Variants in FNDC3B observed in about 807,000 individuals in gnomAD.
FNDC3B encodes the protein fibronectin type III domain containing 3B.
In FNDC3B, 12 loss-of-function variants were observed where a neutral mutation model predicts 151.5. The observed-to-expected ratio is 0.08, with a 90% CI of 0.05 to 0.13. FNDC3B has a LOEUF of 0.13. Among genes scored for constraint, FNDC3B ranks in the 10% least tolerant of loss-of-function variants. FNDC3B has a pLI of 1.00. For missense variants in FNDC3B, 1,214 were observed against 1,505.3 expected, an observed-to-expected ratio of 0.81 and a Z score of 3.20; for synonymous variants, 528 against 549.0, an observed-to-expected ratio of 0.96 and a Z score of 0.54.
chr3:172,385,453 A>T (rs1439642578), intron 25 of FNDC3B, among the ~76,000 whole-genome samples: 4 of 152,212 alleles, frequency 2.6e-5, no homozygotes, highest in African/African-American at 9.6e-5. Context: ...ACGCAGCTTC[A>T]AAGCACCAGG....
chr3:172,082,088 A>G (rs537480003), intron 1 of FNDC3B, among the ~76,000 whole-genome samples: 3 of 152,330 alleles, frequency 2.0e-5, no homozygotes, highest in African/African-American at 7.2e-5. Context: ...AGGGGAGCCT[A>G]TTACATTTAT....
At chr3:172,294,264 G>T (rs1300793650) in intron 7 of FNDC3B, among the ~76,000 whole-genome samples, 1 of 152,174 alleles carries the variant, frequency 6.6e-6, no homozygotes, top group African/African-American at 2.4e-5. Context: ...GTCTGTTCTC[G>T]CATTGCTATG....
At chr3:172,173,934 G>T (rs79302108) in intron 3 of FNDC3B, among the ~76,000 whole-genome samples, 2 of 152,304 alleles carry the variant, frequency 1.3e-5, no homozygotes, top group Non-Finnish European at 2.9e-5. Flanking sequence ...AACTCATTCA[G>T]TGTTGATGTA....
chr3:172,251,160 A>G, intron 5 of FNDC3B, 100 bp from the exon 6 acceptor site: 1 of 932,048 alleles, frequency 1.1e-6, no homozygotes, highest in Non-Finnish European at 1.6e-6. Context: ...GACTTCCTTT[A>G]TACTTTAGAC....
rs757759733 is a variant in FNDC3B at position 172,307,383 on chromosome 3, C to G, written c.1082C>G (p.Ser361Cys). 10 of 1,614,074 alleles carry G rather than the reference C, an allele frequency of 6.2e-6. No individual in the cohort carries two copies. Among genetic ancestry groups the G allele is most frequent in the Non-Finnish European group, 8.5e-6 (10 of 1,179,990 alleles). ...YHVRVYAMYN[S>C]VKGSCSEPVS... ...TTCAGGGTGTATGCCATGTACAATT[C>G]CGTAAAGGGATCCTGCTCCGAGCCT... is the stretch of plus-strand genomic sequence containing the variant. The change falls in exon 10 of 26, where the codon TCC (serine) becomes TGC (cysteine). Residue 361 changes from serine to cysteine, a missense_variant. Around this residue, in one of 7 missense-constraint regions of FNDC3B, gnomAD observed 156 missense variants for 225.3 expected, o/e 0.69. Coordinates refer to ENST00000415807, the MANE Select transcript of FNDC3B (RefSeq NM_022763.4).
rs551361896 is a variant in FNDC3B at position 172,314,776 on chromosome 3, T to C, written c.1254+3895T>C. Among the ~76,000 whole-genome samples, 191 of 152,276 alleles carry C rather than the reference T, an allele frequency of 1.3e-3. 1 individual carries two copies. Among genetic ancestry groups the C allele is most frequent in the African/African-American group, 4.4e-3 (183 of 41,564 alleles). ...TTGACCTTCATGGGAAGATCCACCT[T>C]AATCAGCAGCTAACTATATGCTGGG... is the stretch of plus-strand genomic sequence containing the variant. On this transcript the variant is annotated intron_variant, in intron 11 of 25. Transcript: ENST00000415807.
chr3:172,174,974 A>G, intron 3 of FNDC3B, among the ~76,000 whole-genome samples: 1 of 99,384 alleles, frequency 1.0e-5, no homozygotes, highest in East Asian at 3.7e-4. Context: ...ATCCGGTCCC[A>G]TGTCCTAGTT....
chr3:172,362,920 T>C, intron 23 of FNDC3B, 75 bp downstream of exon 23: 2 of 1,209,750 alleles, frequency 1.7e-6, no homozygotes, highest in Non-Finnish European at 1.2e-6. Context: ...TTGTACATTT[T>C]TATTTGCTTG....
chr3:172,133,671 T>G (rs1255619301), intron 3 of FNDC3B, 125 bp downstream of exon 3: 1 of 784,004 alleles, frequency 1.3e-6, no homozygotes, highest in South Asian at 1.4e-5. Context: ...ATATTCATTT[T>G]CTTTTTTTTT....
At chr3:172,060,136 C>G (rs143644063) in intron 1 of FNDC3B, among the ~76,000 whole-genome samples, 170 of 152,200 alleles carry the variant, frequency 1.1e-3, no homozygotes, top group Middle Eastern at 6.8e-3. Flanking sequence ...AAGAGAGAAC[C>G]CTCATAGTCA....
intron 3 of FNDC3B, among the ~76,000 whole-genome samples, chr3:172,226,670 G>A (rs1576816066): frequency 6.6e-6 from 1 of 152,096 alleles, no homozygotes; most frequent in Admixed American, 6.5e-5. Context: ...TTTTTTGTTT[G>A]TTTTCTTTGA....
At chr3:172,302,705 CAAAT>C (rs1299738112) in intron 9 of FNDC3B, 1 of 152,134 alleles carries the variant, frequency 6.6e-6, no homozygotes, top group East Asian at 1.9e-4. Flanking sequence ...ATTCTTAACA[CAAAT>C]AAATTTTTTT....
chr3:172,145,312 A>AG (rs1403598699), intron 3 of FNDC3B, among the ~76,000 whole-genome samples: 2 of 151,746 alleles, frequency 1.3e-5, no homozygotes, highest in East Asian at 3.9e-4. Context: ...AGTAAAAAAA[A>AG]GAGTGGAAAC....
chr3:172,392,360 A>G (rs1259803950), intron 25 of FNDC3B, among the ~76,000 whole-genome samples: 1 of 152,238 alleles, frequency 6.6e-6, no homozygotes, highest in African/African-American at 2.4e-5. Flanking sequence ...AAATCTGGAA[A>G]AGTATAAGTA....
At chr3:172,230,373 A>T (rs1309490215) in intron 4 of FNDC3B, among the ~76,000 whole-genome samples, 1 of 151,544 alleles carries the variant, frequency 6.6e-6, no homozygotes, top group African/African-American at 2.4e-5. Flanking sequence ...GTGTGGTGGC[A>T]CATGCCCGTA....
chr3:172,133,501 A>G lies in FNDC3B; in HGVS notation c.142A>G (p.Thr48Ala), dbSNP rs755441800. 1 of 1,613,684 alleles carries G rather than the reference A, an allele frequency of 6.2e-7. No homozygotes were observed. The highest frequency in any genetic ancestry group is 1.7e-4 in the Middle Eastern group (1 of 6,058). ...VILVQVNPGE[T>A]FTIRAEDGTL... The stretch of plus-strand genomic sequence containing the variant: ...TCTCGTTCAAGTTAATCCAGGTGAG[A>G]CTTTCACAATAAGAGCAGAGGATGG... The change falls in exon 3 of 26, where the codon ACT becomes GCT. Residue 48 changes from threonine to alanine, a missense_variant. Physicochemically the swap from Thr to Ala is moderately conservative, Grantham distance 58 (BLOSUM62 0). Coordinates refer to ENST00000415807, the MANE Select transcript of FNDC3B (RefSeq NM_022763.4).
At chr3:172,341,459 C>T (rs908045002) in intron 17 of FNDC3B, among the ~76,000 whole-genome samples, 38 of 152,152 alleles carry the variant, frequency 2.5e-4, no homozygotes, top group African/African-American at 9.2e-4. Flanking sequence ...ATTTGTCACT[C>T]ACTCATTTCT....
intron 1 of FNDC3B, among the ~76,000 whole-genome samples, chr3:172,063,606 A>G (rs1467090447): frequency 1.3e-5 from 2 of 152,208 alleles, no homozygotes; most frequent in Non-Finnish European, 2.9e-5. Context: ...GTTCTCAGAT[A>G]GGACACAAGG....
intron 11 of FNDC3B, among the ~76,000 whole-genome samples, chr3:172,323,679 C>T (rs1732201367): frequency 6.6e-6 from 1 of 152,182 alleles, no homozygotes; most frequent in Admixed American, 6.5e-5. Flanking sequence ...TTTTTATATA[C>T]TCTCCAAGCT....
Sources: allele counts gnomAD v4.1 joint callset (sites outside exome capture counted in the v4.1 genomes callset), GRCh38; gene constraint gnomAD v4.1.1; regional missense constraint gnomAD v4.1.1; transcripts MANE v1.5; gene names NCBI Gene and HGNC (gene_info 2026-07-23, HGNC 2026-07-21).